Variants in TRIP11 observed in about 807,000 individuals in gnomAD.
TRIP11 encodes the protein thyroid hormone receptor interactor 11, also known as thyroid receptor-interacting protein 11.
In TRIP11, 148 loss-of-function variants were observed where a neutral mutation model predicts 223.1. That is an observed-to-expected ratio of 0.66 (90% CI 0.58 to 0.76). The LOEUF is 0.76. Among genes scored for constraint, TRIP11 ranks in the 30% least tolerant of loss-of-function variants. The probability of loss-of-function intolerance (pLI) is 0.00; values close to 1 mark genes in which losing one functional copy is unlikely to be tolerated. For synonymous variants in TRIP11, 762 were observed against 772.6 expected, an observed-to-expected ratio of 0.99 and a Z score of 0.23; for missense variants, 2,043 against 2,222.0, an observed-to-expected ratio of 0.92 and a Z score of 1.62.
In TRIP11 at chr14:92,004,781, A is replaced by G; in HGVS notation, c.3195T>C (p.Asp1065=). 6.2e-7 allele frequency: 1 copy of G among 1,614,142 alleles called. No homozygotes were observed. The change falls in exon 11 of 21, where the codon GAT becomes GAC. Residue 1065 remains aspartate (D), a synonymous_variant. Transcript: ENST00000267622. ...TAGCATGAAGAGCTTGTATCTCCAA[A>G]TCTTTCTGCTGAATAATCTGAGTTA... is the stretch of plus-strand genomic sequence containing the variant. ...GKLTQIIQQK[D]LEIQALHARI... is the part of the protein sequence containing the mutation.
At chr14:91,981,817 T>C (rs996321161) in intron 16 of TRIP11, among the ~76,000 whole-genome samples, 1 of 152,226 alleles carries the variant, frequency 6.6e-6, no homozygotes, top group African/African-American at 2.4e-5. Context: ...GAAAAGTATC[T>C]TTTAAAATTC....
intron 15 of TRIP11, among the ~76,000 whole-genome samples, chr14:91,990,832 C>T (rs1018698322): frequency 6.6e-6 from 1 of 152,202 alleles, no homozygotes; most frequent in Admixed American, 6.5e-5. Flanking sequence ...AGAAGAAGAT[C>T]TGGACTTCCA....
Position 91,967,978 on chromosome 14 carries a change from T to C in TRIP11, c.*1695A>G, listed in dbSNP as rs1361551423. 8 of 200,706 alleles carry C rather than the reference T, an allele frequency of 4.0e-5. No homozygotes were observed. The highest frequency in any genetic ancestry group is 1.8e-4 in the African/African-American group (8 of 43,498). The allele number at this position is 200,706 out of a possible 1,614,324, so 12.4% of individuals were successfully genotyped here. On this transcript the variant is annotated 3_prime_UTR_variant, in exon 21 of 21. Coordinates refer to ENST00000267622, the MANE Select transcript of TRIP11 (RefSeq NM_004239.4). ...GTAAATAAAGAATGGCAATATAAAT[T>C]AGTTATCTAAGGAGATACAAGACAT...
chr14:91,999,332 C>T lies in TRIP11; in HGVS notation c.4800G>A (p.Leu1600=), dbSNP rs1251996329. Residue 1600 remains leucine, a synonymous_variant, in exon 13 of 21, where the codon TTG becomes TTA. Transcript: ENST00000267622. ...GTTTAGCCTCTCTATCTTCTGCAGCCAAAGCTTCACGGGTATAAGAATCTT... is the reference window on the plus strand; with the variant it reads ...GTTTAGCCTCTCTATCTTCTGCAGCTAAAGCTTCACGGGTATAAGAATCTT... ...ESEDSYTREA[L]AAEDREAKLR... is the part of the protein sequence containing the mutation. 1.2e-6 allele frequency: 2 copies of T among 1,613,756 alleles called. No individual in the cohort carries two copies. Among genetic ancestry groups the T allele is most frequent in the African/African-American group, 1.3e-5 (1 of 74,894 alleles).
Position 92,000,078 on chromosome 14 carries a change from T to C in TRIP11, c.4588A>G (p.Asn1530Asp). 1.2e-6 allele frequency: 2 copies of C among 1,614,002 alleles called. No homozygotes were observed. Among genetic ancestry groups the C allele is most frequent in the Non-Finnish European group, 1.7e-6 (2 of 1,179,966 alleles). Reference sequence around the variant, plus strand: ...TTCTCCTGCATTGATTTAACTGCATTTAAAAGCTGATTTAACTCTCCAGTC... The same window carrying C: ...TTCTCCTGCATTGATTTAACTGCATCTAAAAGCTGATTTAACTCTCCAGTC... ...GKTGELNQLL[N>D]AVKSMQEKTV... Residue 1530 changes from asparagine to aspartate, a missense_variant, in exon 12 of 21, where the codon AAT becomes GAT. Transcript: ENST00000267622.
At chr14:91,986,161 G>T (rs564258054) in intron 16 of TRIP11, among the ~76,000 whole-genome samples, 1 of 152,258 alleles carries the variant, frequency 6.6e-6, no homozygotes, top group South Asian at 2.1e-4. Flanking sequence ...TGAATCCAAA[G>T]TTCGTATACG....
chr14:92,008,639 AT>A (rs2056934931), intron 9 of TRIP11, among the ~76,000 whole-genome samples: 3 of 152,234 alleles, frequency 2.0e-5, no homozygotes, highest in Non-Finnish European at 4.4e-5. Context: ...GTAATAAACT[AT>A]ATATTAAAGC....
At chr14:91,981,360 G>A (rs749826357) in intron 16 of TRIP11, among the ~76,000 whole-genome samples, 6 of 150,400 alleles carry the variant, frequency 4.0e-5, no homozygotes, top group Non-Finnish European at 7.4e-5. Context: ...TGCAATTTGA[G>A]GTTAAGCTTT....
chr14:92,033,286 A>AATAT, intron 1 of TRIP11, 33 bp from the exon 2 acceptor site: 11 of 1,470,498 alleles, frequency 7.5e-6, no homozygotes, highest in African/African-American at 1.4e-5. Flanking sequence ...TGAATATTTA[A>AATAT]TCAATACCAT....
Position 92,014,569 on chromosome 14 carries a change from C to T in TRIP11, c.832G>A (p.Gly278Arg). The change falls in exon 7 of 21, where the codon GGA becomes AGA. Residue 278 changes from glycine (G) to arginine (R), a missense_variant. Physicochemically the swap from Gly to Arg is moderately radical, Grantham distance 125 (BLOSUM62 -2). Coordinates refer to ENST00000267622, the MANE Select transcript of TRIP11 (RefSeq NM_004239.4). ...LENLLQQGGS[G>R]VIETDLSKIY... ...TTAGAGAGATCAGTTTCTATAACTC[C>T]AGAGCCACCTAGAACATAAACACAA... The T allele has an allele frequency of 1.2e-6, 2 of 1,602,894 alleles. No homozygotes were observed. The highest frequency in any genetic ancestry group is 1.7e-6 in the Non-Finnish European group (2 of 1,177,782).
chr14:91,975,092 T>C, intron 18 of TRIP11, 80 bp downstream of exon 18: 2 of 1,277,064 alleles, frequency 1.6e-6, no homozygotes, highest in Admixed American at 1.7e-5. Context: ...AAAAGTTACA[T>C]ACAGTAAAAG....
chr14:91,966,785 TACTACAGTATAGAGGTTGAAA>T lies in TRIP11; in HGVS notation c.*2867_*2887del, dbSNP rs1456123792. On this transcript the variant is annotated 3_prime_UTR_variant, in exon 21 of 21. Transcript: ENST00000267622. ...AAATTCAGTAGTTAGATGAATTTTC[TACTACAGTATAGAGGTTGAAA>T]ACCATTAGGAATGTGGTAAAAAACT... is the stretch of plus-strand genomic sequence containing the variant. The T allele has an allele frequency of 4.6e-6, 1 of 215,382 alleles. No homozygotes were observed. The highest frequency in any genetic ancestry group is 2.3e-5 in the African/African-American group (1 of 44,320). 13.3% of individuals were successfully genotyped at this position (215,382 alleles called of 1,614,324 possible). A position where few individuals can be genotyped will look rare whatever the true frequency, so the allele number is the denominator to read the frequency against.
At chr14:91,988,188 T>A in intron 16 of TRIP11, 96 bp downstream of exon 16, 1 of 873,752 alleles carries the variant, frequency 1.1e-6, no homozygotes, top group Non-Finnish European at 1.8e-6. Flanking sequence ...ATCAATGAAG[T>A]TGGTCTCACT....
chr14:92,035,600 C>CA (rs2057317100), intron 1 of TRIP11, among the ~76,000 whole-genome samples: 2 of 142,382 alleles, frequency 1.4e-5, no homozygotes, highest in South Asian at 4.5e-4. Context: ...TTTTTTGAGA[C>CA]AGAGTCTCGC....
Position 92,001,466 on chromosome 14 carries a change from C to A in TRIP11, c.4558-1358G>T, listed in dbSNP as rs1394746441. Among the ~76,000 whole-genome samples the A allele has an allele frequency of 9.3e-5, 14 of 149,984 alleles. No individual in the cohort carries two copies. In the East Asian group the frequency reaches 2.5e-3, roughly 27 times the overall value. On this transcript the variant is annotated intron_variant, in intron 11 of 20. Transcript: ENST00000267622. ...TCTCCTATTGAGAACATCCTTTTCT[C>A]CCTAAAAAAAGATGTTACTCATTAT...
chr14:91,987,379 C>G (rs919811303), intron 16 of TRIP11, among the ~76,000 whole-genome samples: 1 of 152,158 alleles, frequency 6.6e-6, no homozygotes, highest in Non-Finnish European at 1.5e-5. Flanking sequence ...GTCCTTTGGT[C>G]TCCATGCGTC....
intron 16 of TRIP11, 66 bp from the exon 17 acceptor site, chr14:91,976,255 T>C: frequency 3.9e-6 from 5 of 1,291,696 alleles, no homozygotes; most frequent in Non-Finnish European, 5.5e-6. Flanking sequence ...GACTATATAA[T>C]GAAATTTATG....
chr14:91,996,409 G>T (rs2056751546), intron 13 of TRIP11, among the ~76,000 whole-genome samples: 1 of 152,144 alleles, frequency 6.6e-6, no homozygotes, highest in African/African-American at 2.4e-5. Flanking sequence ...AGGTGAGGCG[G>T]CTCTCACATG....
At position 92,004,118 on chromosome 14, in the gene TRIP11, C is replaced by T. The variant is rs35798420; in HGVS notation, c.3858G>A (p.Gln1286=). Residue 1286 remains glutamine (Q), a synonymous_variant, in exon 11 of 21, where the codon CAG becomes CAA. Transcript: ENST00000267622. ...QNETKLKNFG[Q]ELAQVQHSIG... Reference sequence around the variant, plus strand: ...TGCTGTGCTGAACTTGTGCTAATTCCTGCCCAAAATTTTTGAGTTTGGTTT... The same window carrying T: ...TGCTGTGCTGAACTTGTGCTAATTCTTGCCCAAAATTTTTGAGTTTGGTTT... The T allele has an allele frequency of 9.3e-4, 1,507 of 1,614,170 alleles. 15 individuals are homozygous for T. The African/African-American group carries it at 0.018, about 19-fold the overall frequency.
Sources: gnomAD v4.1 joint callset for allele counts (sites outside exome capture counted in the v4.1 genomes callset) on GRCh38, gnomAD v4.1.1 for gene constraint, MANE v1.5 for transcripts, NCBI Gene and HGNC (gene_info 2026-07-23, HGNC 2026-07-21) for gene names.